Variants in CDH24 observed in about 807,000 individuals in gnomAD.
CDH24 encodes the protein cadherin-24.
Under a neutral mutation model 71.2 loss-of-function variants are expected in CDH24, and 61 were observed. That is an observed-to-expected ratio of 0.86 (90% CI 0.70 to 1.06). CDH24 has a LOEUF of 1.06. Ranked by LOEUF, CDH24 falls within the 50% of genes least tolerant of loss-of-function variation. The probability of loss-of-function intolerance (pLI) is 0.00; values close to 1 mark genes in which losing one functional copy is unlikely to be tolerated. For synonymous variants in CDH24, 440 were observed against 470.2 expected (o/e 0.94, Z 0.83); for missense variants, 961 against 1,083.7 (o/e 0.89, Z 1.59).
In CDH24 at chr14:23,054,630, CTG is replaced by C. The variant is rs1365094501; in HGVS notation, c.658_659del (p.Gln220GlyfsTer85). The C allele has an allele frequency of 1.2e-6, 2 of 1,614,130 alleles. No homozygotes were observed. The highest frequency in any genetic ancestry group is 1.7e-6 in the Non-Finnish European group (2 of 1,180,000). The part of the protein sequence containing the change: ...TAIPNMDRET[Q>X]EEFLVVIQAK... Reference sequence around the variant, plus strand: ...CCTGGATCACCACCAAGAACTCCTCCTGTGTCTCCCGGTCCATGTTGGGGATG... The same window carrying C: ...CCTGGATCACCACCAAGAACTCCTCCTGTCTCCCGGTCCATGTTGGGGATG... On this transcript the variant is annotated frameshift_variant, in exon 5 of 13. Transcript: ENST00000487137. LOFTEE classifies it high-confidence loss of function. This position sits in a 1 kb window ranked among gnomAD's most constrained non-coding sequence, Gnocchi z 5.2.
Position 23,047,891 on chromosome 14 carries a change from G to A in CDH24, c.*89C>T, listed in dbSNP as rs2047052024. 2.8e-6 allele frequency: 3 copies of A among 1,067,028 alleles called. No homozygotes were observed. The highest frequency in any genetic ancestry group is 3.6e-6 in the Non-Finnish European group (3 of 833,174). 66.1% of individuals were successfully genotyped at this position (1,067,028 alleles called of 1,614,324 possible). On this transcript the variant is annotated 3_prime_UTR_variant, in exon 12 of 13. Transcript: ENST00000487137. The stretch of plus-strand genomic sequence containing the variant: ...GGAGGAGGCCTGGGGCCCCTGGGCT[G>A]CTGCCGCCCGCCTGGACCCCGTGGG...
Position 23,055,514 on chromosome 14 carries a change from T to C in CDH24, c.201+19A>G. 6.2e-7 allele frequency: 1 copy of C among 1,612,374 alleles called. No individual in the cohort carries two copies. Among genetic ancestry groups the C allele is most frequent in the Non-Finnish European group, 8.5e-7 (1 of 1,178,944 alleles). On this transcript the variant is annotated intron_variant, in intron 2 of 12. Coordinates refer to ENST00000487137, the MANE Select transcript of CDH24 (RefSeq NM_144985.4). The surrounding 1 kb of genome is among the most constrained non-coding windows in gnomAD (Gnocchi z 4.1). ...TGAGGGCTTGGTGTCAGAGTAGACA[T>C]GGGAGGGGTCATCCTTACCTTGCCA...
In CDH24 at chr14:23,051,542, A is replaced by G. The variant is rs1209545272; in HGVS notation, c.1363+931T>C. On this transcript the variant is annotated intron_variant, in intron 8 of 12. Transcript: ENST00000487137. The surrounding 1 kb of genome is among the most constrained non-coding windows in gnomAD (Gnocchi z 4.4). ...ATACCACTGTATATATCAATCACACATATGCATAATTAACATAAATATAAT... is the reference window on the plus strand; with the variant it reads ...ATACCACTGTATATATCAATCACACGTATGCATAATTAACATAAATATAAT... 6.6e-6 allele frequency among the ~76,000 whole-genome samples: 1 copy of G among 152,246 alleles called. No homozygotes were observed. The highest frequency in any genetic ancestry group is 6.5e-5 in the Admixed American group (1 of 15,290).
chr14:23,047,855 C>T lies in CDH24; in HGVS notation c.*125G>A, dbSNP rs533245023. The T allele has an allele frequency of 1.3e-4, 74 of 589,856 alleles. No homozygotes were observed. The Middle Eastern group carries it at 1.6e-3, about 13-fold the overall frequency. 36.5% of individuals were successfully genotyped at this position (589,856 alleles called of 1,614,324 possible). A position where few individuals can be genotyped will look rare whatever the true frequency, so the allele number is the denominator to read the frequency against. On this transcript the variant is annotated 3_prime_UTR_variant, in exon 12 of 13. Coordinates refer to ENST00000487137, the MANE Select transcript of CDH24 (RefSeq NM_144985.4). ...GGTGCCCCGGGGAAGCAAGGAGGGA[C>T]ACAAGGACAGGGAGGAGGCCTGGGG... is the stretch of plus-strand genomic sequence containing the variant.
Position 23,055,032 on chromosome 14 carries a change from T to C in CDH24, c.496+27A>G. The C allele has an allele frequency of 6.2e-7, 1 of 1,600,916 alleles. No homozygotes were observed. The highest frequency in any genetic ancestry group is 8.5e-7 in the Non-Finnish European group (1 of 1,170,758). On this transcript the variant is annotated intron_variant, in intron 3 of 12. Transcript: ENST00000487137. This position sits in a 1 kb window ranked among gnomAD's most constrained non-coding sequence, Gnocchi z 4.1. ...TGAGAGAGCTCCAGAAGACGGGAAC[T>C]GGGGCATTCAGAGCTGGGGTGCTCA...
At chr14:23,050,579 T>C (rs1356690562) in intron 8 of CDH24, among the ~76,000 whole-genome samples, 1 of 151,146 alleles carries the variant, frequency 6.6e-6, no homozygotes, top group Admixed American at 6.6e-5. Flanking sequence ...TGAGCATCAC[T>C]TATCTTGGGT....
chr14:23,050,062 GA>G, intron 8 of CDH24, 119 bp from the exon 9 acceptor site: 8 of 1,356,880 alleles, frequency 5.9e-6, no homozygotes, highest in African/African-American at 1.4e-5. Context: ...AGAAACACAT[GA>G]AATATGCATG....
In CDH24 at chr14:23,049,662, C is replaced by T. The variant is rs758856229; in HGVS notation, c.1562G>A (p.Gly521Asp). The T allele has an allele frequency of 7.5e-6, 12 of 1,604,556 alleles. No homozygotes were observed. In the East Asian group the frequency reaches 1.1e-4, roughly 15 times the overall value. ...CTGGACAGTAAAGTTGGCATCAGGG[C>T]CCAGAGGACCTTGAAAGGAGACATG... ...SSHVSFQGPL[G>D]PDANFTVQDN... The change falls in exon 10 of 13, where the codon GGC becomes GAC. Residue 521 changes from glycine (G) to aspartate (D), a missense_variant. Around this residue, in one of 2 missense-constraint regions of CDH24, gnomAD observed 671 missense variants for 810.9 expected, o/e 0.83. Coordinates refer to ENST00000487137, the MANE Select transcript of CDH24 (RefSeq NM_144985.4).
Position 23,047,814 on chromosome 14 carries a change from G to C in CDH24, c.*166C>G, listed in dbSNP as rs973233166. On this transcript the variant is annotated 3_prime_UTR_variant, in exon 12 of 13. Coordinates refer to ENST00000487137, the MANE Select transcript of CDH24 (RefSeq NM_144985.4). The stretch of plus-strand genomic sequence containing the variant: ...AGACACACACACCGACTCAGGAGGA[G>C]GGAGGTGAGAGCGAGGGTGCCCCGG... 1.0e-5 allele frequency: 4 copies of C among 397,226 alleles called. No individual in the cohort carries two copies. Among genetic ancestry groups the C allele is most frequent in the Non-Finnish European group, 1.7e-5 (4 of 228,848 alleles). The allele number at this position is 397,226 out of a possible 1,614,324, so 24.6% of individuals were successfully genotyped here.
Position 23,050,395 on chromosome 14 carries a change from GT to G in CDH24, c.1364-453del, listed in dbSNP as rs558957882. 3.7e-3 allele frequency among the ~76,000 whole-genome samples: 563 copies of G among 152,210 alleles called. 2 individuals are homozygous for G. The highest frequency in any genetic ancestry group is 0.013 in the African/African-American group (529 of 41,520). ...ATGTTTGATATGCATAGTGAATGTG[GT>G]GCCACATCCCCCGACAACACCCAGT... On this transcript the variant is annotated intron_variant, in intron 8 of 12. Transcript: ENST00000487137.
Position 23,048,200 on chromosome 14 carries a change from C to T in CDH24, c.2126G>A (p.Arg709Gln). 1.5e-6 allele frequency: 2 copies of T among 1,327,004 alleles called. No homozygotes were observed. The highest frequency in any genetic ancestry group is 1.9e-6 in the Non-Finnish European group (2 of 1,034,726). 82.2% of individuals were successfully genotyped at this position (1,327,004 alleles called of 1,614,324 possible). A position where few individuals can be genotyped will look rare whatever the true frequency, so the allele number is the denominator to read the frequency against. ...GGGGTCCTCGTCCGCCTCGCGGAGC[C>T]GCAGCGCCAGGAGCTGCGCCACGTC... ...PADVAQLLAL[R>Q]LREADEDPGV... The change falls in exon 12 of 13, where the codon CGG becomes CAG. Residue 709 changes from arginine (R) to glutamine (Q), a missense_variant. Around this residue, in one of 2 missense-constraint regions of CDH24, gnomAD observed 290 missense variants for 272.8 expected, o/e 1.06. Coordinates refer to ENST00000487137, the MANE Select transcript of CDH24 (RefSeq NM_144985.4).
Position 23,047,862 on chromosome 14 carries a change from A to T in CDH24, c.*118T>A. 1.6e-6 allele frequency: 1 copy of T among 639,526 alleles called. No homozygotes were observed. 39.6% of individuals were successfully genotyped at this position (639,526 alleles called of 1,614,324 possible). On this transcript the variant is annotated 3_prime_UTR_variant, in exon 12 of 13. Coordinates refer to ENST00000487137, the MANE Select transcript of CDH24 (RefSeq NM_144985.4). Reference sequence around the variant, plus strand: ...CGGGGAAGCAAGGAGGGACACAAGGACAGGGAGGAGGCCTGGGGCCCCTGG... The same window carrying T: ...CGGGGAAGCAAGGAGGGACACAAGGTCAGGGAGGAGGCCTGGGGCCCCTGG...
rs569692118 is a variant in CDH24, at chr14:23,049,483, G to A, written c.1597+144C>T. The A allele has an allele frequency of 1.6e-4, 107 of 683,322 alleles. No homozygotes were observed. The South Asian group carries it at 1.7e-3, about 11-fold the overall frequency. The allele number at this position is 683,322 out of a possible 1,614,324, so 42.3% of individuals were successfully genotyped here. On this transcript the variant is annotated intron_variant, in intron 10 of 12. Coordinates refer to ENST00000487137, the MANE Select transcript of CDH24 (RefSeq NM_144985.4). Reference sequence around the variant, plus strand: ...TGGGGAAGGTTTACAAAGAGCCAACGAATGAGTACAAGTCCACACCCATCT... The same window carrying A: ...TGGGGAAGGTTTACAAAGAGCCAACAAATGAGTACAAGTCCACACCCATCT...
Position 23,048,369 on chromosome 14 carries a change from C to G in CDH24, c.1957G>C (p.Gly653Arg). 6.2e-7 allele frequency: 1 copy of G among 1,612,190 alleles called. No homozygotes were observed. The highest frequency in any genetic ancestry group is 2.2e-5 in the East Asian group (1 of 44,860). Residue 653 changes from glycine (G) to arginine (R), a missense_variant, in exon 12 of 13, where the codon GGC (glycine) becomes CGC (arginine). By Grantham distance (125) the Gly-to-Arg change is moderately radical. Around this residue, in one of 2 missense-constraint regions of CDH24, gnomAD observed 290 missense variants for 272.8 expected, o/e 1.06. Coordinates refer to ENST00000487137, the MANE Select transcript of CDH24 (RefSeq NM_144985.4). ...NIITYDDEGG[G>R]EEDTEAFDIT... is the part of the protein sequence containing the mutation. The stretch of plus-strand genomic sequence containing the variant: ...TCGAAGGCCTCGGTGTCCTCCTCGC[C>G]GCCGCCCTCGTCGTCGTAGGTGATG...
chr14:23,053,796 G>T, intron 6 of CDH24, 47 bp from the exon 7 acceptor site: 1 of 1,551,612 alleles, frequency 6.4e-7, no homozygotes, highest in Non-Finnish European at 8.7e-7. Context: ...TGGAAACCAG[G>T]GCAGGTCCCA....
Position 23,055,612 on chromosome 14 carries a change from C to A in CDH24, c.122G>T (p.Arg41Leu). The A allele has an allele frequency of 6.2e-7, 1 of 1,613,810 alleles. No homozygotes were observed. The highest frequency in any genetic ancestry group is 8.5e-7 in the Non-Finnish European group (1 of 1,179,966). Residue 41 changes from arginine (R) to leucine (L), a missense_variant, in exon 2 of 13, where the codon CGG (arginine) becomes CTG (leucine). This residue lies in a region of CDH24 where 671 missense variants were observed against 810.9 expected (regional missense o/e 0.83). Coordinates refer to ENST00000487137, the MANE Select transcript of CDH24 (RefSeq NM_144985.4). This position sits in a 1 kb window ranked among gnomAD's most constrained non-coding sequence, Gnocchi z 4.1. ...SREHPGPALL[R>L]TRRSWVWNQF... ...GTTCCAGACCCAGCTCCTTCGAGTC[C>A]GCAGCAGAGCAGGCCCTGGGTGTTC... is the stretch of plus-strand genomic sequence containing the variant.
chr14:23,049,710 C>A lies in CDH24; in HGVS notation c.1514G>T (p.Arg505Ile). The A allele has an allele frequency of 6.2e-7, 1 of 1,612,284 alleles. No individual in the cohort carries two copies. Among genetic ancestry groups the A allele is most frequent in the Non-Finnish European group, 8.5e-7 (1 of 1,178,770 alleles). Residue 505 changes from arginine to isoleucine, a missense_variant, in exon 10 of 13, where the codon AGA becomes ATA. Arg to Ile is a moderately conservative substitution (Grantham distance 97). This residue lies in a region of CDH24 where 671 missense variants were observed against 810.9 expected (regional missense o/e 0.83). Coordinates refer to ENST00000487137, the MANE Select transcript of CDH24 (RefSeq NM_144985.4). ...QLIQVIRALD[R>I]DEVGNSSHVS... The stretch of plus-strand genomic sequence containing the variant: ...ATGGCTACTGTTGCCAACTTCATCT[C>A]TGTCCAGGGCCCGGATGACCTGAAT...
chr14:23,048,378 C>A lies in CDH24; in HGVS notation c.1948G>T (p.Glu650Ter). The stretch of plus-strand genomic sequence containing the variant: ...TCGGTGTCCTCCTCGCCGCCGCCCT[C>A]GTCGTCGTAGGTGATGATGTTCTCT... The part of the protein sequence containing the change: ...VRENIITYDD[E>*]GGGEEDTEAF... Residue 650 changes from glutamate (E) to a stop codon, truncating the protein, a stop_gained, in exon 12 of 13, where the codon GAG becomes TAG. Coordinates refer to ENST00000487137, the MANE Select transcript of CDH24 (RefSeq NM_144985.4). LOFTEE classifies it high-confidence loss of function. 1 of 1,612,424 alleles carries A rather than the reference C, an allele frequency of 6.2e-7. No homozygotes were observed. The highest frequency in any genetic ancestry group is 8.5e-7 in the Non-Finnish European group (1 of 1,179,590).
chr14:23,047,817 A>C lies in CDH24; in HGVS notation c.*163T>G. 2.5e-6 allele frequency: 1 copy of C among 397,202 alleles called. No individual in the cohort carries two copies. The highest frequency in any genetic ancestry group is 9.1e-5 in the South Asian group (1 of 11,042). 24.6% of individuals were successfully genotyped at this position (397,202 alleles called of 1,614,324 possible). On this transcript the variant is annotated 3_prime_UTR_variant, in exon 12 of 13. Coordinates refer to ENST00000487137, the MANE Select transcript of CDH24 (RefSeq NM_144985.4). ...CACACACACCGACTCAGGAGGAGGG[A>C]GGTGAGAGCGAGGGTGCCCCGGGGA...
Sources: allele counts gnomAD v4.1 joint callset (sites outside exome capture counted in the v4.1 genomes callset), GRCh38; gene constraint gnomAD v4.1.1; regional missense constraint gnomAD v4.1.1; non-coding constraint Gnocchi (gnomAD v3.1); transcripts MANE v1.5; gene names NCBI Gene and HGNC (gene_info 2026-07-23, HGNC 2026-07-21).